Variants in PLCB1 observed in about 807,000 individuals in gnomAD.
The protein encoded by PLCB1 is phospholipase C beta 1.
Under a neutral mutation model 161.8 loss-of-function variants are expected in PLCB1, and 46 were observed. The observed-to-expected ratio is 0.28, with a 90% confidence interval of 0.22 to 0.36. PLCB1 has a LOEUF of 0.36. PLCB1 is among the 10% of genes least tolerant of loss of function. The pLI is 1.00. For missense variants in PLCB1, 1,016 were observed against 1,472.5 expected (o/e 0.69, Z 5.07); for synonymous variants, 517 against 503.7 (o/e 1.03, Z -0.35).
intron 3 of PLCB1, among the ~76,000 whole-genome samples, chr20:8,377,840 C>T (rs543658119): frequency 1.4e-4 from 22 of 152,058 alleles, no homozygotes; most frequent in Non-Finnish European, 2.8e-4. Flanking sequence ...TAGACTTTTA[C>T]CTGATAATGT....
chr20:8,822,034 C>CTTTTTTTTT (rs1166587981), intron 31 of PLCB1, among the ~76,000 whole-genome samples: 1 of 148,042 alleles, frequency 6.8e-6, no homozygotes, highest in African/African-American at 2.5e-5. Flanking sequence ...ATCTTTTTTC[C>CTTTTTTTTT]TTTTTTTTTT....
At chr20:8,579,166 T>A (rs1053233985) in intron 3 of PLCB1, among the ~76,000 whole-genome samples, 1 of 152,254 alleles carries the variant, frequency 6.6e-6, no homozygotes, top group Non-Finnish European at 1.5e-5. Flanking sequence ...TACTCAGCAA[T>A]GTGACACATT....
intron 18 of PLCB1, among the ~76,000 whole-genome samples, chr20:8,731,339 TGTC>T (rs1980234488): frequency 6.6e-6 from 1 of 151,932 alleles, no homozygotes; most frequent in African/African-American, 2.4e-5. Flanking sequence ...ATCGAATTGC[TGTC>T]TTCTAGCTAT....
At chr20:8,792,429 G>A (rs547630230) in intron 31 of PLCB1, among the ~76,000 whole-genome samples, 2 of 152,246 alleles carry the variant, frequency 1.3e-5, no homozygotes, top group African/African-American at 2.4e-5. Flanking sequence ...GAAATAGAGG[G>A]GAAATAGCAA....
At chr20:8,837,380 A>G (rs1380861450) in intron 31 of PLCB1, among the ~76,000 whole-genome samples, 1 of 152,198 alleles carries the variant, frequency 6.6e-6, no homozygotes, top group African/African-American at 2.4e-5. Flanking sequence ...GAAAACTGTG[A>G]GGGAATGCAT....
chr20:8,300,314 A>T (rs1033136087), intron 2 of PLCB1, among the ~76,000 whole-genome samples: 2 of 152,196 alleles, frequency 1.3e-5, no homozygotes, highest in Non-Finnish European at 2.9e-5. Context: ...TTAGCTTGTG[A>T]TCAAGGGGCA....
At chr20:8,618,586 A>C (rs367826561) in intron 3 of PLCB1, among the ~76,000 whole-genome samples, 7 of 152,314 alleles carry the variant, frequency 4.6e-5, no homozygotes, top group East Asian at 1.9e-4. Context: ...CAATAGACAC[A>C]ATCACATAAC....
chr20:8,338,023 G>T (rs6055754), intron 2 of PLCB1, among the ~76,000 whole-genome samples: 1 of 152,156 alleles, frequency 6.6e-6, no homozygotes, highest in African/African-American at 2.4e-5. Context: ...CCAGAAAGGT[G>T]CCTGTAACCA....
At chr20:8,208,293 CTT>C (rs1189675358) in intron 2 of PLCB1, among the ~76,000 whole-genome samples, 1 of 152,018 alleles carries the variant, frequency 6.6e-6, no homozygotes, top group African/African-American at 2.4e-5. Flanking sequence ...TGATTCTTAA[CTT>C]ATTTCTTTTC....
chr20:8,546,562 C>G (rs1205083753), intron 3 of PLCB1, among the ~76,000 whole-genome samples: 1 of 152,060 alleles, frequency 6.6e-6, no homozygotes, highest in Non-Finnish European at 1.5e-5. Context: ...CACTTAAGCT[C>G]TAGGGGGGAG....
intron 3 of PLCB1, among the ~76,000 whole-genome samples, chr20:8,452,791 A>G (rs1981129298): frequency 6.6e-6 from 1 of 152,214 alleles, no homozygotes; most frequent in South Asian, 2.1e-4. Flanking sequence ...ACATTGGAGG[A>G]AAGATATTCT....
chr20:8,784,534 G>C (rs542881532), intron 27 of PLCB1, among the ~76,000 whole-genome samples: 6 of 148,034 alleles, frequency 4.1e-5, no homozygotes, highest in African/African-American at 1.5e-4. Flanking sequence ...CTGCACTGCA[G>C]CCTGGGCAAT....
At chr20:8,736,875 G>A (rs1980613339) in intron 19 of PLCB1, among the ~76,000 whole-genome samples, 153 bp from the exon 20 acceptor site, 2 of 152,112 alleles carry the variant, frequency 1.3e-5, no homozygotes, top group African/African-American at 4.8e-5. Flanking sequence ...TAAGTGAAAG[G>A]GAAATCATAT....
intron 2 of PLCB1, among the ~76,000 whole-genome samples, chr20:8,203,677 A>G (rs767336114): frequency 7.2e-5 from 11 of 152,112 alleles, no homozygotes; most frequent in Admixed American, 3.3e-4. Flanking sequence ...GGAGGGATCT[A>G]TTGTCTTGCT....
At chr20:8,237,333 A>G (rs1007117770) in intron 2 of PLCB1, among the ~76,000 whole-genome samples, 1 of 152,044 alleles carries the variant, frequency 6.6e-6, no homozygotes, top group Non-Finnish European at 1.5e-5. Context: ...TTCATGCTCT[A>G]GTGTCAAGGG....
intron 2 of PLCB1, among the ~76,000 whole-genome samples, chr20:8,156,798 G>A (rs972607902): frequency 6.6e-6 from 1 of 152,178 alleles, no homozygotes; most frequent in Non-Finnish European, 1.5e-5. Context: ...CATTCAATGT[G>A]TAAAATGAAT....
At chr20:8,858,526 G>A (rs549799755) in intron 31 of PLCB1, among the ~76,000 whole-genome samples, 45 of 152,222 alleles carry the variant, frequency 3.0e-4, no homozygotes, top group Non-Finnish European at 5.3e-4. Context: ...AGCAGTCCAA[G>A]TGAGATCCCT....
In PLCB1 at chr20:8,881,805, C is replaced by T. The variant is rs150804955; in HGVS notation, c.3607C>T (p.Leu1203=). 89 of 1,614,110 alleles carry T rather than the reference C, an allele frequency of 5.5e-5. 1 individual carries two copies. The African/African-American group carries it at 7.3e-4, about 13-fold the overall frequency. The change falls in exon 32 of 32, where the codon CTG becomes TTG. Residue 1203 remains leucine (L), a synonymous_variant. Coordinates refer to ENST00000338037, the MANE Select transcript of PLCB1 (RefSeq NM_015192.4). ...VNHKTPSSEE[L]GGDIPGKEFD... is the part of the protein sequence containing the mutation. ...CCACAAGACTCCCTCCAGTGAGGAG[C>T]TGGGAGGAGACATCCCAGGAAAAGA...
chr20:8,552,021 T>A (rs1016066901), intron 3 of PLCB1, among the ~76,000 whole-genome samples: 3 of 152,190 alleles, frequency 2.0e-5, no homozygotes, highest in African/African-American at 7.2e-5. Context: ...TGTTACTAGT[T>A]GTTAAAATAT....
Sources: gnomAD v4.1 joint callset for allele counts (sites outside exome capture counted in the v4.1 genomes callset) on GRCh38, gnomAD v4.1.1 for gene constraint, MANE v1.5 for transcripts, NCBI Gene and HGNC (gene_info 2026-07-23, HGNC 2026-07-21) for gene names.